The following USP42 variants were observed in gnomAD, a reference collection of about 807,000 sequenced individuals.
The protein encoded by USP42 is ubiquitin carboxyl-terminal hydrolase 42.
Under a neutral mutation model 113.0 loss-of-function variants are expected in USP42, and 23 were observed. The ratio of observed to expected loss-of-function variants is 0.20; its 90% confidence interval spans 0.15 to 0.29. The LOEUF is 0.29. Among genes scored for constraint, USP42 ranks in the 10% least tolerant of loss-of-function variants. The pLI, the probability that USP42 is intolerant of heterozygous loss-of-function variation, is 1.00. For missense variants in USP42, 2,174 were observed against 1,779.8 expected (o/e 1.22, Z -3.99); for synonymous variants, 933 against 699.0 (o/e 1.33, Z -5.28).
chr7:6,114,721 C>T (rs1176721718), intron 2 of USP42, among the ~76,000 whole-genome samples: 18 of 103,310 alleles, frequency 1.7e-4, no homozygotes, highest in African/African-American at 4.1e-4. Context: ...CGGAGTCTCT[C>T]GCTCTGTCTC....
the USP42 span, chr7:6,084,386 A>G: frequency 6.6e-6 from 1 of 151,210 alleles, no homozygotes; most frequent in East Asian, 1.9e-4. Flanking sequence ...GTTGGTATCA[A>G]TATTTTGTCT....
chr7:6,118,066 T>C lies in USP42; in HGVS notation c.442+2543T>C, dbSNP rs1780011721. On this transcript the variant is annotated intron_variant, in intron 3 of 17. Coordinates refer to ENST00000306177, the MANE Select transcript of USP42 (RefSeq NM_032172.3). ...TTTTGTTTTGGGAAATTTCATTTCTTTTTTTTTCTTTTTATTCGTTGTGCT... is the reference window on the plus strand; with the variant it reads ...TTTTGTTTTGGGAAATTTCATTTCTCTTTTTTTCTTTTTATTCGTTGTGCT... 2.0e-5 allele frequency among the ~76,000 whole-genome samples: 3 copies of C among 152,228 alleles called. No homozygotes were observed. The South Asian group carries it at 6.2e-4, about 32-fold the overall frequency.
the USP42 span, among the ~76,000 whole-genome samples, chr7:6,096,408 G>A: frequency 6.6e-6 from 1 of 151,020 alleles, no homozygotes; most frequent in Non-Finnish European, 1.5e-5. Flanking sequence ...TGGAGAGGAG[G>A]GATCCCAATG....
At chr7:6,127,455 T>G (rs554784235) in intron 3 of USP42, among the ~76,000 whole-genome samples, 16 of 151,364 alleles carry the variant, frequency 1.1e-4, no homozygotes, top group African/African-American at 3.4e-4. Context: ...CATTTTGAGT[T>G]TTTTTTTTTA....
intron 3 of USP42, among the ~76,000 whole-genome samples, chr7:6,122,200 T>A (rs1250335691): frequency 6.6e-6 from 1 of 152,156 alleles, no homozygotes; most frequent in African/African-American, 2.4e-5. Context: ...TCTTTTCCAA[T>A]GTAAGTGTCA....
the USP42 span, chr7:6,089,021 C>G: frequency 1.4e-5 from 2 of 138,146 alleles, no homozygotes; most frequent in Non-Finnish European, 3.1e-5. Context: ...GGTTTCTTTT[C>G]TATATTTATT....
upstream of USP42, among the ~76,000 whole-genome samples, chr7:6,102,892 G>A (rs1790171087): frequency 6.6e-6 from 1 of 151,154 alleles, no homozygotes; most frequent in African/African-American, 2.5e-5. Context: ...GTAGGGTGGG[G>A]AGTGCAGCAA....
At chr7:6,111,703 G>C in intron 2 of USP42, 1 of 174,484 alleles carries the variant, frequency 5.7e-6, no homozygotes, top group Non-Finnish European at 1.2e-5. Context: ...CCCGGGTTCA[G>C]GACATTTTCC....
At chr7:6,092,060 C>CT in the USP42 span, among the ~76,000 whole-genome samples, 11 of 71,660 alleles carry the variant, frequency 1.5e-4, no homozygotes, top group African/African-American at 6.9e-4. Context: ...CTTCTTTCTT[C>CT]TTCTTCTTCT....
intron 2 of USP42, chr7:6,111,881 G>C (rs1197855739): frequency 6.6e-6 from 1 of 152,456 alleles, no homozygotes. Flanking sequence ...CTGAAGTGCT[G>C]GGATTACAGG....
At chr7:6,091,211 T>C in the USP42 span, among the ~76,000 whole-genome samples, 1 of 150,974 alleles carries the variant, frequency 6.6e-6, no homozygotes. Context: ...ACACTTTTCT[T>C]TTCTCTTCTC....
the USP42 span, among the ~76,000 whole-genome samples, chr7:6,085,731 C>T: frequency 6.6e-6 from 1 of 150,418 alleles, no homozygotes; most frequent in Non-Finnish European, 1.5e-5. Context: ...TCTCCTGCCT[C>T]AGCTTCCTGA....
the USP42 span, among the ~76,000 whole-genome samples, chr7:6,096,233 G>A: frequency 3.3e-5 from 5 of 151,278 alleles, no homozygotes; most frequent in South Asian, 1.0e-3. Context: ...AGCACTTTGG[G>A]AGGCTGTGGT....
Position 6,153,988 on chromosome 7 carries a change from G to T in USP42, c.2434G>T (p.Asp812Tyr). ...CAGCGCCGGCGAGGACATCGTGGGG[G>T]ACACAGCACCCCCTGACCTGTGTGA... ...PPSAGEDIVG[D>Y]TAPPDLCDPG... is the part of the protein sequence containing the mutation. The change falls in exon 15 of 18, where the codon GAC becomes TAC. Residue 812 changes from aspartate (D) to tyrosine (Y), a missense_variant. Coordinates refer to ENST00000306177, the MANE Select transcript of USP42 (RefSeq NM_032172.3). 3.1e-6 allele frequency: 5 copies of T among 1,599,250 alleles called. No individual in the cohort carries two copies. The highest frequency in any genetic ancestry group is 4.3e-6 in the Non-Finnish European group (5 of 1,176,004).
intron 3 of USP42, among the ~76,000 whole-genome samples, chr7:6,119,657 A>G: frequency 6.6e-6 from 1 of 152,158 alleles, no homozygotes; most frequent in East Asian, 1.9e-4. Flanking sequence ...TCTGACTCAC[A>G]AGCAAGGTAT....
At chr7:6,103,255 G>T (rs981566304), upstream of USP42, among the ~76,000 whole-genome samples, 1 of 151,034 alleles carries the variant, frequency 6.6e-6, no homozygotes, top group East Asian at 1.9e-4. Context: ...TAGGATTTGA[G>T]ATAAAATCTG....
intron 1 of USP42, among the ~76,000 whole-genome samples, chr7:6,110,101 T>G (rs1403320548): frequency 6.6e-6 from 1 of 151,968 alleles, no homozygotes; most frequent in Non-Finnish European, 1.5e-5. Context: ...CCCAAGGTGC[T>G]GCAATTATAG....
rs569666661 is a variant in USP42, at chr7:6,150,646, A to C, written c.2201+140A>C. ...TAGAATGATTTGAATTATAATGTAT[A>C]GGATTTATTAACTTGCCTTTTAGAA... On this transcript the variant is annotated intron_variant, in intron 14 of 17. Coordinates refer to ENST00000306177, the MANE Select transcript of USP42 (RefSeq NM_032172.3). 3.3e-5 allele frequency: 27 copies of C among 826,730 alleles called. No individual in the cohort carries two copies. The African/African-American group carries it at 3.5e-4, about 11-fold the overall frequency. 51.2% of individuals were successfully genotyped at this position (826,730 alleles called of 1,614,324 possible).
the USP42 span, among the ~76,000 whole-genome samples, chr7:6,085,650 C>T: frequency 2.1e-5 from 3 of 143,840 alleles, no homozygotes; most frequent in Non-Finnish European, 3.0e-5. Flanking sequence ...AGTCTTGCTC[C>T]GTTGCCCAGG....
Sources: gnomAD v4.1 joint callset for allele counts (sites outside exome capture counted in the v4.1 genomes callset) on GRCh38, gnomAD v4.1.1 for gene constraint, MANE v1.5 for transcripts, NCBI Gene and HGNC (gene_info 2026-07-23, HGNC 2026-07-21) for gene names.